The following DISP3 variants were observed in gnomAD, a reference collection of about 807,000 sequenced individuals.
DISP3 encodes the protein protein dispatched homolog 3.
A neutral mutation model predicts 135.3 loss-of-function variants in DISP3; 101 were observed. That is an observed-to-expected ratio of 0.75 (90% CI 0.64 to 0.88). The LOEUF (loss-of-function observed/expected upper bound fraction) is 0.88. DISP3 is among the 40% of genes least tolerant of loss of function. The probability of loss-of-function intolerance (pLI) is 0.00; values close to 1 mark genes in which losing one functional copy is unlikely to be tolerated. For synonymous variants in DISP3, 856 were observed against 817.0 expected, an observed-to-expected ratio of 1.05 and a Z score of -0.81; for missense variants, 1,713 against 1,878.6, an observed-to-expected ratio of 0.91 and a Z score of 1.63.
At position 11,534,468 on chromosome 1, in the gene DISP3, C is replaced by T; in HGVS notation, c.3463C>T (p.Pro1155Ser). 2 of 1,614,196 alleles carry T rather than the reference C, an allele frequency of 1.2e-6. No homozygotes were observed. The highest frequency in any genetic ancestry group is 1.6e-4 in the Middle Eastern group (1 of 6,062). The change falls in exon 18 of 21, where the codon CCC becomes TCC. Residue 1155 changes from proline (P) to serine (S), a missense_variant. Physicochemically the swap from Pro to Ser is moderately conservative, Grantham distance 74 (BLOSUM62 -1). Around this residue, in one of 2 missense-constraint regions of DISP3, gnomAD observed 1,142 missense variants for 1,384.6 expected, o/e 0.82. Transcript: ENST00000294484. ...SFLQQQLQAL[P>S]EGSVLRRGFQ... ...CCTCCAGCAGCAGCTGCAGGCCTTG[C>T]CCGAGGGCTCAGTCCTGCGCCGGGG...
chr1:11,503,141 C>T (rs1641601027), intron 3 of DISP3, among the ~76,000 whole-genome samples: 1 of 152,154 alleles, frequency 6.6e-6, no homozygotes, highest in African/African-American at 2.4e-5. Flanking sequence ...CTAGACTCTG[C>T]CCTGGAGGTC....
At chr1:11,495,884 A>G (rs992375715) in intron 1 of DISP3, among the ~76,000 whole-genome samples, 1 of 152,218 alleles carries the variant, frequency 6.6e-6, no homozygotes, top group Non-Finnish European at 1.5e-5. Flanking sequence ...TGCCTATTAC[A>G]GTAATTCTTC....
rs1476346395 is a variant in DISP3 at position 11,491,049 on chromosome 1, T to C, written c.-3-9941T>C. 1.3e-5 allele frequency among the ~76,000 whole-genome samples: 2 copies of C among 152,182 alleles called. 1 individual carries two copies. Among genetic ancestry groups the C allele is most frequent in the African/African-American group, 4.8e-5 (2 of 41,432 alleles). ...TATCCCCCTGTCTGGCTGGCCCAAA[T>C]GCCATCATTTCTTCCCTCCCCATGG... On this transcript the variant is annotated intron_variant, in intron 1 of 20. Transcript: ENST00000294484. This position sits in a 1 kb window ranked among gnomAD's most constrained non-coding sequence, Gnocchi z 4.3.
intron 5 of DISP3, 79 bp downstream of exon 5, chr1:11,515,582 G>T: frequency 2.0e-6 from 3 of 1,527,658 alleles, no homozygotes; most frequent in Non-Finnish European, 2.6e-6. Flanking sequence ...TGGATACAAA[G>T]CCTGGCTTCC....
chr1:11,515,591 C>T, intron 5 of DISP3, 88 bp downstream of exon 5: 2 of 1,510,238 alleles, frequency 1.3e-6, no homozygotes, highest in East Asian at 2.3e-5. Flanking sequence ...AGCCTGGCTT[C>T]CCTGGGGGCT....
In DISP3 at chr1:11,483,027, C is replaced by T. The variant is rs865942934; in HGVS notation, c.-4+3655C>T. ...TATGTTTTCCAAAAGTCGCATTTCA[C>T]GGGCAGACAGTGCGGCTCACGCTGC... On this transcript the variant is annotated intron_variant, in intron 1 of 20. Coordinates refer to ENST00000294484, the MANE Select transcript of DISP3 (RefSeq NM_020780.2). The surrounding 1 kb of genome is among the most constrained non-coding windows in gnomAD (Gnocchi z 5.4). Among the ~76,000 whole-genome samples the T allele has an allele frequency of 7.2e-5, 11 of 152,262 alleles. No homozygotes were observed. Among genetic ancestry groups the T allele is most frequent in the African/African-American group, 1.2e-4 (5 of 41,468 alleles).
Position 11,502,793 on chromosome 1 carries a change from C to T in DISP3, c.1212C>T (p.Pro404=). Residue 404 remains proline, a synonymous_variant, in exon 3 of 21, where the codon CCC becomes CCT. Coordinates refer to ENST00000294484, the MANE Select transcript of DISP3 (RefSeq NM_020780.2). ...GCAGTGAGATCCTGTTTGGAGCACC[C>T]CTGCCCAACTACTACTCAGTAGATG... ...LLRSEILFGA[P]LPNYYSVDDR... 1 of 1,614,216 alleles carries T rather than the reference C, an allele frequency of 6.2e-7. No individual in the cohort carries two copies. The highest frequency in any genetic ancestry group is 8.5e-7 in the Non-Finnish European group (1 of 1,180,034).
chr1:11,532,120 C>T (rs1374280556), intron 17 of DISP3, among the ~76,000 whole-genome samples: 2 of 152,196 alleles, frequency 1.3e-5, no homozygotes, highest in Non-Finnish European at 2.9e-5. Flanking sequence ...GGCCATCCCC[C>T]GTACCTCCCT....
Position 11,520,631 on chromosome 1 carries a change from C to G in DISP3, c.2201-56C>G. On this transcript the variant is annotated intron_variant, in intron 9 of 20. Coordinates refer to ENST00000294484, the MANE Select transcript of DISP3 (RefSeq NM_020780.2). The surrounding 1 kb of genome is among the most constrained non-coding windows in gnomAD (Gnocchi z 4.8). ...TGTCTCCCGGCACTTTGGAGCCCCA[C>G]TGGGAACAGACCAGCTGGGCCCAGC... 6.3e-7 allele frequency: 1 copy of G among 1,576,980 alleles called. No homozygotes were observed. The highest frequency in any genetic ancestry group is 1.2e-5 in the South Asian group (1 of 86,226).
At chr1:11,480,687 A>G (rs1406753041) in intron 1 of DISP3, among the ~76,000 whole-genome samples, 2 of 146,754 alleles carry the variant, frequency 1.4e-5, no homozygotes, top group South Asian at 2.2e-4. Flanking sequence ...GCACACACAC[A>G]CACACACACA....
intron 13 of DISP3, among the ~76,000 whole-genome samples, chr1:11,528,400 A>C (rs770833495): frequency 6.6e-6 from 1 of 152,200 alleles, no homozygotes; most frequent in Admixed American, 6.5e-5. Flanking sequence ...TGTGGAGGCC[A>C]TATTAGCCAA....
In DISP3 at chr1:11,535,097, C is replaced by A. The variant is rs749744612; in HGVS notation, c.3622C>A (p.Leu1208Met). The A allele has an allele frequency of 1.2e-6, 2 of 1,608,684 alleles. No homozygotes were observed. Among genetic ancestry groups the A allele is most frequent in the Non-Finnish European group, 1.7e-6 (2 of 1,178,438 alleles). ...CGTGTTCACCACCCACATCCTGCTCCTGCTGCCCGTGCTCCTCAGCATCTT... is the reference window on the plus strand; with the variant it reads ...CGTGTTCACCACCCACATCCTGCTCATGCTGCCCGTGCTCCTCAGCATCTT... Reference protein sequence around the residue: ...VAVFTTHILLLLPVLLSILGI... With the variant: ...VAVFTTHILLMLPVLLSILGI... Residue 1208 changes from leucine (L) to methionine (M), a missense_variant, in exon 19 of 21, where the codon CTG becomes ATG. Physicochemically the swap from Leu to Met is conservative, Grantham distance 15 (BLOSUM62 2). This residue lies in a region of DISP3 where 1,142 missense variants were observed against 1,384.6 expected (regional missense o/e 0.82). Coordinates refer to ENST00000294484, the MANE Select transcript of DISP3 (RefSeq NM_020780.2).
intron 1 of DISP3, among the ~76,000 whole-genome samples, chr1:11,489,935 G>T (rs74055708): frequency 4.2e-4 from 64 of 152,356 alleles, no homozygotes; most frequent in African/African-American, 1.5e-3. Context: ...CAGGAAGAAA[G>T]CCAATTTGGC....
intron 11 of DISP3, among the ~76,000 whole-genome samples, chr1:11,524,315 AG>A (rs1340427114): frequency 6.6e-6 from 1 of 151,870 alleles, no homozygotes; most frequent in African/African-American, 2.4e-5. Flanking sequence ...CTGAGTGTCC[AG>A]GGGCAGAGGT....
chr1:11,522,244 C>A (rs1458154313), intron 10 of DISP3, among the ~76,000 whole-genome samples: 1 of 152,162 alleles, frequency 6.6e-6, no homozygotes, highest in African/African-American at 2.4e-5. Flanking sequence ...TTCCAGCTCA[C>A]AGGAGCAGAT....
At position 11,519,844 on chromosome 1, in the gene DISP3, C is replaced by G. The variant is rs1229987878; in HGVS notation, c.2164C>G (p.Leu722Val). ...QLQELLHHWV[L>V]WSAVKSRWVI... ...GCAGGAGCTGCTGCACCACTGGGTC[C>G]TGTGGTCAGCCGTCAAGAGCCGCTG... The change falls in exon 9 of 21, where the codon CTG (leucine) becomes GTG (valine). Residue 722 changes from leucine to valine, a missense_variant. By Grantham distance (32) the Leu-to-Val change is conservative (BLOSUM62 1). Coordinates refer to ENST00000294484, the MANE Select transcript of DISP3 (RefSeq NM_020780.2). This position sits in a 1 kb window ranked among gnomAD's most constrained non-coding sequence, Gnocchi z 4.3. 1 of 1,612,136 alleles carries G rather than the reference C, an allele frequency of 6.2e-7. No individual in the cohort carries two copies. Among genetic ancestry groups the G allele is most frequent in the Non-Finnish European group, 8.5e-7 (1 of 1,179,912 alleles).
chr1:11,506,330 T>G (rs2100425792), intron 3 of DISP3, among the ~76,000 whole-genome samples: 1 of 152,358 alleles, frequency 6.6e-6, no homozygotes, highest in East Asian at 1.9e-4. Context: ...TCAGATTTGC[T>G]TCTATCTTGT....
chr1:11,510,094 G>C (rs920131034), intron 3 of DISP3, among the ~76,000 whole-genome samples: 1 of 151,996 alleles, frequency 6.6e-6, no homozygotes, highest in Non-Finnish European at 1.5e-5. Context: ...GTGAGACTCT[G>C]TCTCAAAAAA....
At chr1:11,504,774 C>A (rs966024782) in intron 3 of DISP3, among the ~76,000 whole-genome samples, 3 of 152,202 alleles carry the variant, frequency 2.0e-5, no homozygotes, top group African/African-American at 7.2e-5. Flanking sequence ...GAAGCCAATG[C>A]CATGCTGTTG....
Sources: gnomAD v4.1 joint callset for allele counts (sites outside exome capture counted in the v4.1 genomes callset) on GRCh38, gnomAD v4.1.1 for gene constraint, gnomAD v4.1.1 regional missense constraint, Gnocchi (gnomAD v3.1) non-coding constraint, MANE v1.5 for transcripts, NCBI Gene and HGNC (gene_info 2026-07-23, HGNC 2026-07-21) for gene names.